The following FAR1 variants were observed in gnomAD, a reference collection of about 807,000 sequenced individuals.
FAR1 encodes male sterility domain-containing protein 2.
In FAR1, 22 loss-of-function variants were observed where a neutral mutation model predicts 61.1. The ratio of observed to expected loss-of-function variants is 0.36; its 90% CI spans 0.26 to 0.51. FAR1 has a LOEUF of 0.51. Ranked by LOEUF, FAR1 falls within the 20% of genes least tolerant of loss-of-function variation. The pLI, the probability that FAR1 is intolerant of heterozygous loss-of-function variation, is 0.95. For synonymous variants in FAR1, 206 were observed against 209.7 expected, an observed-to-expected ratio of 0.98 and a Z score of 0.15; for missense variants, 359 against 626.9, an observed-to-expected ratio of 0.57 and a Z score of 4.56.
chr11:13,700,547 T>C (rs1011828305), intron 3 of FAR1, 55 bp downstream of exon 3: 1 of 1,089,666 alleles, frequency 9.2e-7, no homozygotes, highest in Non-Finnish European at 1.2e-6. Flanking sequence ...TTAAAAAATC[T>C]CATTTTAATT....
chr11:13,694,844 C>T lies in FAR1; in HGVS notation c.79C>T (p.Leu27=). Residue 27 remains leucine, a synonymous_variant, in exon 2 of 12, where the codon CTG becomes TTG. Coordinates refer to ENST00000354817, the MANE Select transcript of FAR1 (RefSeq NM_032228.6). ...GATGFLGKVL[L]EKLLRSCPKV... ...TACCGGTTTTCTAGGGAAGGTGCTT[C>T]TGGAAAAGTTGCTGAGGTCTTGTCC... 1 of 1,614,016 alleles carries T rather than the reference C, an allele frequency of 6.2e-7. No individual in the cohort carries two copies. The highest frequency in any genetic ancestry group is 8.5e-7 in the Non-Finnish European group (1 of 1,179,928).
chr11:13,731,598 G>C lies in FAR1; in HGVS notation c.*2824G>C, dbSNP rs990381315. 6.6e-6 allele frequency: 1 copy of C among 152,232 alleles called. No individual in the cohort carries two copies. The highest frequency in any genetic ancestry group is 2.4e-5 in the African/African-American group (1 of 41,390). The allele number at this position is 152,232 out of a possible 1,614,324, so 9.4% of individuals were successfully genotyped here. On this transcript the variant is annotated 3_prime_UTR_variant, in exon 12 of 12. Coordinates refer to ENST00000354817, the MANE Select transcript of FAR1 (RefSeq NM_032228.6). ...TACTTACACTTCTTGTCTGTTTTAG[G>C]TGTACTTGTTAATTCTTATGTCCTA...
chr11:13,718,653 A>G (rs781660687), intron 9 of FAR1, among the ~76,000 whole-genome samples: 9 of 152,238 alleles, frequency 5.9e-5, no homozygotes, highest in African/African-American at 7.2e-5. Context: ...TCTGTTTTAC[A>G]TAACAAGTCA....
intron 9 of FAR1, among the ~76,000 whole-genome samples, chr11:13,716,744 CTTAAAT>C (rs1848561566): frequency 6.6e-6 from 1 of 152,128 alleles, no homozygotes; most frequent in Non-Finnish European, 1.5e-5. Context: ...CACAAATCTT[CTTAAAT>C]TTTTTTTCAT....
At chr11:13,718,650 T>C (rs983952223) in intron 9 of FAR1, among the ~76,000 whole-genome samples, 2 of 152,234 alleles carry the variant, frequency 1.3e-5, no homozygotes, top group Non-Finnish European at 2.9e-5. Flanking sequence ...TAATCTGTTT[T>C]ACATAACAAG....
intron 1 of FAR1, among the ~76,000 whole-genome samples, chr11:13,677,467 G>A (rs1848079351): frequency 6.6e-6 from 1 of 152,106 alleles, no homozygotes; most frequent in African/African-American, 2.4e-5. Flanking sequence ...GTTTGTTATG[G>A]GATTTAGTCA....
At chr11:13,689,497 T>A (rs140912511) in intron 1 of FAR1, among the ~76,000 whole-genome samples, 168 of 152,370 alleles carry the variant, frequency 1.1e-3, no homozygotes, top group African/African-American at 3.8e-3. Flanking sequence ...TTATTGTTTT[T>A]AAATATTTCA....
chr11:13,698,607 G>C (rs1848334890), intron 2 of FAR1, among the ~76,000 whole-genome samples: 1 of 151,978 alleles, frequency 6.6e-6, no homozygotes, highest in Non-Finnish European at 1.5e-5. Context: ...AAGGTGGGGG[G>C]ATCATGAGGT....
chr11:13,697,368 G>A (rs1012181231), intron 2 of FAR1, among the ~76,000 whole-genome samples: 3 of 151,864 alleles, frequency 2.0e-5, no homozygotes, highest in Non-Finnish European at 4.4e-5. Context: ...AGGCTGAGGT[G>A]GGAGGATTGC....
intron 4 of FAR1, among the ~76,000 whole-genome samples, chr11:13,708,494 C>A (rs1848464584): frequency 6.9e-6 from 1 of 144,516 alleles, no homozygotes; most frequent in African/African-American, 2.5e-5. Flanking sequence ...TATCTCTTTT[C>A]TTCAAAAATT....
intron 10 of FAR1, among the ~76,000 whole-genome samples, chr11:13,722,468 T>G (rs936208097): frequency 6.6e-6 from 1 of 151,056 alleles, no homozygotes; most frequent in African/African-American, 2.4e-5. Flanking sequence ...GTTCTCTAAT[T>G]TTTTTTTTCT....
At chr11:13,693,464 C>T (rs1326002070) in intron 1 of FAR1, among the ~76,000 whole-genome samples, 1 of 152,204 alleles carries the variant, frequency 6.6e-6, no homozygotes, top group African/African-American at 2.4e-5. Flanking sequence ...TCTTTTGTCC[C>T]TAGTACCCAT....
chr11:13,696,437 A>G (rs949351071), intron 2 of FAR1, among the ~76,000 whole-genome samples: 2 of 152,078 alleles, frequency 1.3e-5, no homozygotes, highest in Non-Finnish European at 2.9e-5. Context: ...GCTGGCCAGA[A>G]TTGAGGGTCT....
intron 1 of FAR1, among the ~76,000 whole-genome samples, chr11:13,681,757 A>G (rs1308206062): frequency 1.3e-5 from 2 of 152,214 alleles, no homozygotes; most frequent in Non-Finnish European, 2.9e-5. Context: ...CCTAACTCAT[A>G]AAAATTGTGG....
chr11:13,716,389 A>G (rs1229125333), intron 9 of FAR1, among the ~76,000 whole-genome samples: 2 of 152,192 alleles, frequency 1.3e-5, no homozygotes, highest in Non-Finnish European at 2.9e-5. Flanking sequence ...ATTTCTTTCA[A>G]TTATTTCTGT....
intron 10 of FAR1, chr11:13,723,321 CG>C: frequency 5.4e-6 from 2 of 369,884 alleles, no homozygotes; most frequent in Non-Finnish European, 1.0e-5. Flanking sequence ...GATGTGATCA[CG>C]TCATTGCACT....
intron 3 of FAR1, 106 bp downstream of exon 3, chr11:13,700,598 A>G (rs1848360699): frequency 4.4e-6 from 3 of 686,340 alleles, no homozygotes; most frequent in Non-Finnish European, 6.6e-6. Context: ...ATTTGATACT[A>G]TTTGCCTATG....
intron 1 of FAR1, among the ~76,000 whole-genome samples, chr11:13,683,470 C>G (rs1373705171): frequency 1.3e-5 from 2 of 151,522 alleles, no homozygotes; most frequent in Non-Finnish European, 2.9e-5. Flanking sequence ...GTAAAAAAAA[C>G]ATAGATGAAA....
intron 1 of FAR1, among the ~76,000 whole-genome samples, chr11:13,683,341 C>T (rs911142178): frequency 4.0e-5 from 6 of 150,474 alleles, no homozygotes; most frequent in South Asian, 2.1e-4. Flanking sequence ...TGCAGTGAGC[C>T]GAGATCACAC....
Sources: gnomAD v4.1 joint callset for allele counts (sites outside exome capture counted in the v4.1 genomes callset) on GRCh38, gnomAD v4.1.1 for gene constraint, MANE v1.5 for transcripts, NCBI Gene and HGNC (gene_info 2026-07-23, HGNC 2026-07-21) for gene names.